Variants in SULT1B1 observed in about 807,000 individuals in gnomAD.
The protein encoded by SULT1B1 is sulfotransferase 1B1.
A neutral mutation model predicts 34.6 loss-of-function variants in SULT1B1; 28 were observed. That is an observed-to-expected ratio of 0.81 (90% CI 0.60 to 1.11). SULT1B1 has a LOEUF of 1.11. Ranked by LOEUF, SULT1B1 falls within the 50% of genes least tolerant of loss-of-function variation. SULT1B1 has a pLI of 0.00. For missense variants in SULT1B1, 374 were observed against 352.2 expected, an observed-to-expected ratio of 1.06 and a Z score of -0.50; for synonymous variants, 147 against 110.2, an observed-to-expected ratio of 1.33 and a Z score of -2.09.
intron 4 of SULT1B1, among the ~76,000 whole-genome samples, chr4:69,744,956 T>C (rs1718696099): frequency 6.6e-6 from 1 of 151,768 alleles, no homozygotes; most frequent in South Asian, 2.1e-4. Context: ...TTTCAAAGAC[T>C]TTTTTAAAAT....
At chr4:69,733,849 T>C (rs1052762282) in intron 5 of SULT1B1, among the ~76,000 whole-genome samples, 1 of 152,172 alleles carries the variant, frequency 6.6e-6, no homozygotes, top group Admixed American at 6.5e-5. Context: ...TCTAACTAAT[T>C]GCTTAAGCAA....
chr4:69,754,471 C>G (rs564097774), intron 3 of SULT1B1, among the ~76,000 whole-genome samples, 199 bp downstream of exon 3: 1 of 152,110 alleles, frequency 6.6e-6, no homozygotes, highest in Non-Finnish European at 1.5e-5. Context: ...CAGTAAGACT[C>G]TTTCATCTTT....
At chr4:69,748,887 A>G (rs77989722) in intron 4 of SULT1B1, among the ~76,000 whole-genome samples, 1,523 of 152,240 alleles carry the variant, frequency 0.01, 9 homozygotes, top group Non-Finnish European at 0.015. Flanking sequence ...TACAACACTA[A>G]AGGCTTATTT....
chr4:69,727,248 G>C (rs753984503), intron 7 of SULT1B1, 48 bp from the exon 8 acceptor site: 2 of 1,486,786 alleles, frequency 1.3e-6, no homozygotes, highest in South Asian at 2.5e-5. Context: ...ATTTCCATAA[G>C]AAGAAATCAG....
intron 3 of SULT1B1, among the ~76,000 whole-genome samples, chr4:69,751,480 C>T (rs150748896): frequency 1.1e-4 from 17 of 152,290 alleles, no homozygotes; most frequent in African/African-American, 4.1e-4. Context: ...GAGACGGAGT[C>T]TCACTCTGTC....
rs1560517552 is a variant in SULT1B1 at position 69,726,030 on chromosome 4, G to GTA, written c.*1056_*1057dup. 18 of 42,066 alleles carry GTA rather than the reference G, an allele frequency of 4.3e-4. No homozygotes were observed. Among genetic ancestry groups the GTA allele is most frequent in the South Asian group, 1.7e-3 (2 of 1,174 alleles). The allele number at this position is 42,066 out of a possible 1,614,324, so 2.6% of individuals were successfully genotyped here. On this transcript the variant is annotated 3_prime_UTR_variant, in exon 8 of 8. Transcript: ENST00000310613. ...GGAACTTAAAGTATAATAATAAAAT[G>GTA]TACATATATATATATATATATATAT... is the stretch of plus-strand genomic sequence containing the variant.
At chr4:69,730,913 T>G (rs764635806) in intron 6 of SULT1B1, among the ~76,000 whole-genome samples, 6 of 152,146 alleles carry the variant, frequency 3.9e-5, no homozygotes, top group Non-Finnish European at 7.3e-5. Flanking sequence ...AGATCAGAAC[T>G]TAAGGTGTGT....
In SULT1B1 at chr4:69,722,628, G is replaced by C. The variant is rs573746531; in HGVS notation, c.*4460C>G. On this transcript the variant is annotated 3_prime_UTR_variant, in exon 8 of 8. Coordinates refer to ENST00000310613, the MANE Select transcript of SULT1B1 (RefSeq NM_014465.4). ...TATTGTAATAAATCTATAGAAGCAA[G>C]TATCTCCAGAATAATAGGTGTACTA... The C allele has an allele frequency of 6.6e-6, 1 of 152,126 alleles. No individual in the cohort carries two copies. The highest frequency in any genetic ancestry group is 2.1e-4 in the South Asian group (1 of 4,824). The allele number at this position is 152,126 out of a possible 1,614,324, so 9.4% of individuals were successfully genotyped here.
chr4:69,735,908 G>A (rs1307493240), intron 4 of SULT1B1, among the ~76,000 whole-genome samples: 1 of 152,168 alleles, frequency 6.6e-6, no homozygotes, highest in Non-Finnish European at 1.5e-5. Context: ...AGCACTCACA[G>A]TACCTAGTTT....
Position 69,722,539 on chromosome 4 carries a change from C to T in SULT1B1, c.*4549G>A, listed in dbSNP as rs899606274. 3.3e-5 allele frequency: 5 copies of T among 152,050 alleles called. No individual in the cohort carries two copies. The highest frequency in any genetic ancestry group is 1.2e-4 in the African/African-American group (5 of 41,412). The allele number at this position is 152,050 out of a possible 1,614,324, so 9.4% of individuals were successfully genotyped here. On this transcript the variant is annotated 3_prime_UTR_variant, in exon 8 of 8. Transcript: ENST00000310613. Reference sequence around the variant, plus strand: ...ACCTTTAGATAGTCAAGATTAACTCCTATAAAATATGTTTCTGTGGAACAT... The same window carrying T: ...ACCTTTAGATAGTCAAGATTAACTCTTATAAAATATGTTTCTGTGGAACAT...
chr4:69,753,497 A>G (rs959242808), intron 3 of SULT1B1, among the ~76,000 whole-genome samples: 3 of 152,208 alleles, frequency 2.0e-5, no homozygotes, highest in Admixed American at 6.5e-5. Context: ...TTTAAGAATT[A>G]CAAGTCCTAC....
chr4:69,744,564 A>G (rs1409258828), intron 4 of SULT1B1, among the ~76,000 whole-genome samples: 1 of 152,002 alleles, frequency 6.6e-6, no homozygotes, highest in Non-Finnish European at 1.5e-5. Context: ...GGTTCCTTGT[A>G]TTTTTGTGGT....
chr4:69,737,353 T>C (rs1370267813), intron 4 of SULT1B1, among the ~76,000 whole-genome samples: 19 of 152,066 alleles, frequency 1.2e-4, no homozygotes, highest in Admixed American at 1.2e-3. Flanking sequence ...CTAAGGGAAG[T>C]TCTCCAAACA....
rs1717674195 is a variant in SULT1B1 at position 69,721,765 on chromosome 4, T to C, written c.*5323A>G. On this transcript the variant is annotated 3_prime_UTR_variant, in exon 8 of 8. Transcript: ENST00000310613. ...TGAAAAGTTCTTGTAAGCAATGCTT[T>C]GGCTTTTTAGAAAATAGCCCTTTAG... 6.6e-6 allele frequency: 1 copy of C among 152,162 alleles called. No individual in the cohort carries two copies. The allele number at this position is 152,162 out of a possible 1,614,324, so 9.4% of individuals were successfully genotyped here.
rs1479838607 is a variant in SULT1B1 at position 69,726,102 on chromosome 4, G to C, written c.*986C>G. ...TATATAAATGTTCCAAGAAAACATA[G>C]ATCAGAGACCACACAAATAGATATA... On this transcript the variant is annotated 3_prime_UTR_variant, in exon 8 of 8. Coordinates refer to ENST00000310613, the MANE Select transcript of SULT1B1 (RefSeq NM_014465.4). 1 of 90,648 alleles carries C rather than the reference G, an allele frequency of 1.1e-5. No homozygotes were observed. The highest frequency in any genetic ancestry group is 2.2e-5 in the Non-Finnish European group (1 of 44,474). The allele number at this position is 90,648 out of a possible 1,614,324, so 5.6% of individuals were successfully genotyped here. A position where few individuals can be genotyped will look rare whatever the true frequency, so the allele number is the denominator to read the frequency against.
intron 4 of SULT1B1, among the ~76,000 whole-genome samples, chr4:69,744,946 T>C (rs75968026): frequency 0.026 from 3,933 of 152,306 alleles, 165 homozygotes; most frequent in African/African-American, 0.09. Context: ...TTTTCATTTG[T>C]TTCAAAGACT....
intron 7 of SULT1B1, among the ~76,000 whole-genome samples, chr4:69,730,039 A>T (rs890345719): frequency 3.3e-5 from 5 of 152,118 alleles, no homozygotes; most frequent in Non-Finnish European, 7.4e-5. Context: ...TATAAGGTCA[A>T]ATAGCAGTTT....
rs1236780405 is a variant in SULT1B1 at position 69,725,903 on chromosome 4, A to T, written c.*1185T>A. 6.6e-6 allele frequency: 1 copy of T among 151,240 alleles called. No individual in the cohort carries two copies. The highest frequency in any genetic ancestry group is 1.5e-5 in the Non-Finnish European group (1 of 67,808). 9.4% of individuals were successfully genotyped at this position (151,240 alleles called of 1,614,324 possible). ...GGAGGGAGGGGGGAAGGATAGCATT[A>T]GGAGGTATACCTAATGTAAATGACG... On this transcript the variant is annotated 3_prime_UTR_variant, in exon 8 of 8. Coordinates refer to ENST00000310613, the MANE Select transcript of SULT1B1 (RefSeq NM_014465.4).
chr4:69,756,091 C>G (rs919432227), intron 1 of SULT1B1, among the ~76,000 whole-genome samples: 4 of 152,058 alleles, frequency 2.6e-5, no homozygotes, highest in African/African-American at 9.7e-5. Context: ...GTATTTTTAT[C>G]TCTGGCTTTG....
Sources: gnomAD v4.1 joint callset for allele counts (sites outside exome capture counted in the v4.1 genomes callset) on GRCh38, gnomAD v4.1.1 for gene constraint, MANE v1.5 for transcripts, NCBI Gene and HGNC (gene_info 2026-07-23, HGNC 2026-07-21) for gene names.